FNBP1L: variants seen among roughly 807,000 people sequenced by gnomAD.
The protein encoded by FNBP1L is formin-binding protein 1-like.
In FNBP1L, 36 loss-of-function variants were observed where a neutral mutation model predicts 91.2. The observed-to-expected ratio is 0.39, with a 90% CI of 0.30 to 0.52. FNBP1L has a LOEUF of 0.52. Among genes scored for constraint, FNBP1L ranks in the 20% least tolerant of loss-of-function variants. The probability of loss-of-function intolerance (pLI) is 0.66; values close to 1 mark genes in which losing one functional copy is unlikely to be tolerated. For synonymous variants in FNBP1L, 242 were observed against 237.0 expected (o/e 1.02, Z -0.19); for missense variants, 571 against 732.1 (o/e 0.78, Z 2.54).
At chr1:93,461,425 G>A (rs770781738) in intron 1 of FNBP1L, among the ~76,000 whole-genome samples, 54 of 116,190 alleles carry the variant, frequency 4.6e-4, no homozygotes, top group African/African-American at 7.9e-4. Flanking sequence ...GAGGTAGGCC[G>A]TCACTGGCGT....
In FNBP1L at chr1:93,448,125, T is replaced by C; in HGVS notation, c.-157T>C. On this transcript the variant is annotated 5_prime_UTR_variant, in exon 1 of 17. Transcript: ENST00000271234. ...GGCGGCGGAGGCTTCTCCAGTCGCG[T>C]CTTTCTCACTCACTGGGGAGCCCGG... 1.1e-6 allele frequency: 1 copy of C among 900,712 alleles called. No homozygotes were observed. The highest frequency in any genetic ancestry group is 1.6e-6 in the Non-Finnish European group (1 of 612,176). The allele number at this position is 900,712 out of a possible 1,614,324, so 55.8% of individuals were successfully genotyped here.
Position 93,499,592 on chromosome 1 carries a change from AT to A in FNBP1L, c.140+18del, listed in dbSNP as rs758667945. The stretch of plus-strand genomic sequence containing the variant: ...TATGCGAAACAATTGAGGTAAGTTA[AT>A]TTTTTTTTCAGTTTTTAGAATGAAA... On this transcript the variant is annotated intron_variant, in intron 2 of 16. Transcript: ENST00000271234. The A allele has an allele frequency of 7.7e-5, 115 of 1,486,994 alleles. No homozygotes were observed. Among genetic ancestry groups the A allele is most frequent in the Middle Eastern group, 3.5e-4 (2 of 5,786 alleles). 92.1% of individuals were successfully genotyped at this position (1,486,994 alleles called of 1,614,324 possible). A position where few individuals can be genotyped will look rare whatever the true frequency, so the allele number is the denominator to read the frequency against.
At chr1:93,509,805 C>A (rs1203916628) in intron 2 of FNBP1L, among the ~76,000 whole-genome samples, 1 of 152,338 alleles carries the variant, frequency 6.6e-6, no homozygotes, top group East Asian at 1.9e-4. Context: ...TCGGGAAGCG[C>A]AAGGGGTCAG....
At chr1:93,488,738 A>G (rs1052029583) in intron 1 of FNBP1L, among the ~76,000 whole-genome samples, 1 of 152,224 alleles carries the variant, frequency 6.6e-6, no homozygotes, top group Non-Finnish European at 1.5e-5. Context: ...GGTTTTAACC[A>G]TTTTAACAAC....
At chr1:93,551,941 G>A in intron 16 of FNBP1L, 1 of 986,516 alleles carries the variant, frequency 1.0e-6, no homozygotes, top group Non-Finnish European at 1.2e-6. Context: ...AAAATACACA[G>A]TTACATAGAA....
rs565642776 is a variant in FNBP1L at position 93,542,846 on chromosome 1, C to T, written c.1165-1261C>T. ...TCGCCCAGCCTGGAGTGCAATGGCGCGATCTTGGCTCACTGCAACCTCTGC... is the reference window on the plus strand; with the variant it reads ...TCGCCCAGCCTGGAGTGCAATGGCGTGATCTTGGCTCACTGCAACCTCTGC... On this transcript the variant is annotated intron_variant, in intron 11 of 16. Coordinates refer to ENST00000271234, the MANE Select transcript of FNBP1L (RefSeq NM_001164473.3). Among the ~76,000 whole-genome samples the T allele has an allele frequency of 9.6e-5, 14 of 146,256 alleles. No individual in the cohort carries two copies. In the South Asian group the frequency reaches 2.1e-3, roughly 22 times the overall value.
intron 16 of FNBP1L, 79 bp downstream of exon 16, chr1:93,551,184 A>G (rs1478476768): frequency 1.4e-6 from 2 of 1,426,096 alleles, no homozygotes; most frequent in Non-Finnish European, 1.8e-6. Flanking sequence ...AAATGAAAAC[A>G]CATTCAACAG....
intron 1 of FNBP1L, among the ~76,000 whole-genome samples, chr1:93,487,161 C>A (rs1669938966): frequency 6.6e-6 from 1 of 152,192 alleles, no homozygotes; most frequent in Non-Finnish European, 1.5e-5. Context: ...TAGCACCTGA[C>A]AAAGTGGAAC....
At chr1:93,514,923 C>T (rs1179530477) in intron 2 of FNBP1L, among the ~76,000 whole-genome samples, 6 of 152,202 alleles carry the variant, frequency 3.9e-5, no homozygotes, top group Admixed American at 2.6e-4. Context: ...CAAATGGGAT[C>T]GAATTAAAAT....
intron 1 of FNBP1L, among the ~76,000 whole-genome samples, chr1:93,457,601 G>C (rs1001035479): frequency 2.0e-5 from 3 of 151,782 alleles, no homozygotes; most frequent in African/African-American, 7.3e-5. Context: ...TACCTTTCTG[G>C]ATTCTCCTTT....
intron 1 of FNBP1L, among the ~76,000 whole-genome samples, chr1:93,459,104 G>A (rs1003099974): frequency 1.3e-5 from 2 of 152,096 alleles, no homozygotes; most frequent in Admixed American, 6.6e-5. Flanking sequence ...ACAAAACACC[G>A]TCTCCACTAA....
At chr1:93,500,101 T>C (rs896783116) in intron 2 of FNBP1L, among the ~76,000 whole-genome samples, 10 of 152,214 alleles carry the variant, frequency 6.6e-5, no homozygotes, top group Non-Finnish European at 1.5e-4. Flanking sequence ...TTAAAACTAA[T>C]GGACTTTGTT....
In FNBP1L at chr1:93,494,475, G is replaced by A. The variant is rs148122340; in HGVS notation, c.25-4993G>A. On this transcript the variant is annotated intron_variant, in intron 1 of 16. Coordinates refer to ENST00000271234, the MANE Select transcript of FNBP1L (RefSeq NM_001164473.3). ...TCCATCCCTTCTCTCTTCCCAGGAG[G>A]TTTGGGGGTGGGGAGAACTGAAAGT... 1.9e-3 allele frequency among the ~76,000 whole-genome samples: 290 copies of A among 152,278 alleles called. 2 individuals are homozygous for A. Among genetic ancestry groups the A allele is most frequent in the African/African-American group, 6.7e-3 (279 of 41,550 alleles).
At chr1:93,531,700 T>G (rs894352902) in intron 7 of FNBP1L, among the ~76,000 whole-genome samples, 1 of 152,242 alleles carries the variant, frequency 6.6e-6, no homozygotes, top group Non-Finnish European at 1.5e-5. Context: ...GATGCTTTTC[T>G]AGGCTTAGTA....
intron 1 of FNBP1L, among the ~76,000 whole-genome samples, chr1:93,495,826 A>G (rs182774095): frequency 5.3e-5 from 8 of 152,356 alleles, no homozygotes; most frequent in Non-Finnish European, 1.5e-5. Context: ...TATTCATTAT[A>G]TAATTTTGTT....
chr1:93,455,006 G>C (rs1157723290), intron 1 of FNBP1L, among the ~76,000 whole-genome samples: 1 of 152,152 alleles, frequency 6.6e-6, no homozygotes, highest in Non-Finnish European at 1.5e-5. Flanking sequence ...TTGGCTCACT[G>C]CAAGCTCTGC....
intron 16 of FNBP1L, chr1:93,551,826 G>A (rs1672425487): frequency 1.0e-6 from 1 of 985,346 alleles, no homozygotes; most frequent in Admixed American, 6.1e-5. Context: ...TAATTTACAA[G>A]CTTCCTTCCA....
At chr1:93,457,001 T>C (rs1305251472) in intron 1 of FNBP1L, among the ~76,000 whole-genome samples, 1 of 152,000 alleles carries the variant, frequency 6.6e-6, no homozygotes, top group Non-Finnish European at 1.5e-5. Context: ...TGATCCTCCA[T>C]CCTCAGCCTC....
chr1:93,521,960 T>C (rs1007213087), intron 2 of FNBP1L, 122 bp from the exon 3 acceptor site: 5 of 457,890 alleles, frequency 1.1e-5, no homozygotes, highest in Admixed American at 4.2e-5. Flanking sequence ...AGAGATCATA[T>C]TGCTGTCTTA....
Sources: gnomAD v4.1 joint callset for allele counts (sites outside exome capture counted in the v4.1 genomes callset) on GRCh38, gnomAD v4.1.1 for gene constraint, MANE v1.5 for transcripts, NCBI Gene and HGNC (gene_info 2026-07-23, HGNC 2026-07-21) for gene names.